Variants in MSI2 observed in about 807,000 individuals in gnomAD.
MSI2 encodes musashi RNA binding protein 2.
A neutral mutation model predicts 45.6 loss-of-function variants in MSI2; 17 were observed. The ratio of observed to expected loss-of-function variants is 0.37; its 90% CI spans 0.26 to 0.56. The LOEUF (loss-of-function observed/expected upper bound fraction) is 0.56. Ranked by LOEUF, MSI2 falls within the 20% of genes least tolerant of loss-of-function variation. The pLI is 0.77. For missense variants in MSI2, 293 were observed against 444.2 expected (o/e 0.66, Z 3.06); for synonymous variants, 156 against 158.2 (o/e 0.99, Z 0.11).
At chr17:57,511,769 T>C (rs1260137156) in intron 6 of MSI2, among the ~76,000 whole-genome samples, 1 of 152,170 alleles carries the variant, frequency 6.6e-6, no homozygotes, top group Non-Finnish European at 1.5e-5. Context: ...GAAGGTGGTC[T>C]CTCTGACATC....
intron 5 of MSI2, chr17:57,285,865 T>C (rs918224955): frequency 2.3e-5 from 35 of 1,516,080 alleles, no homozygotes; most frequent in African/African-American, 1.5e-4. Flanking sequence ...TAGTTCTGAT[T>C]TTCCGAACAG....
intron 7 of MSI2, among the ~76,000 whole-genome samples, chr17:57,590,683 G>A (rs760233038): frequency 2.8e-4 from 43 of 152,094 alleles, no homozygotes; most frequent in Non-Finnish European, 5.1e-4. Flanking sequence ...CTTTGTCCCC[G>A]CTTTGCTGAC....
chr17:57,649,772 GA>G (rs1423274500), intron 10 of MSI2, among the ~76,000 whole-genome samples: 1 of 152,232 alleles, frequency 6.6e-6, no homozygotes, highest in African/African-American at 2.4e-5. Flanking sequence ...AGGAGCAGCA[GA>G]AGGGGGCCAG....
At chr17:57,418,924 T>C (rs1036552826) in intron 6 of MSI2, among the ~76,000 whole-genome samples, 1 of 152,140 alleles carries the variant, frequency 6.6e-6, no homozygotes, top group Non-Finnish European at 1.5e-5. Flanking sequence ...AAAACCTTTA[T>C]TGAAAATTCA....
chr17:57,698,779 T>C, the MSI2 span, among the ~76,000 whole-genome samples: 3 of 152,126 alleles, frequency 2.0e-5, no homozygotes, highest in African/African-American at 4.8e-5. Flanking sequence ...ATTCAAAAGA[T>C]ACAAGGAGTA....
intron 12 of MSI2, among the ~76,000 whole-genome samples, chr17:57,676,582 T>C (rs1197903071): frequency 6.6e-6 from 1 of 152,234 alleles, no homozygotes; most frequent in Non-Finnish European, 1.5e-5. Flanking sequence ...TTTTCTGAAA[T>C]AACCAGAAAG....
At chr17:57,335,033 G>A (rs982700284) in intron 5 of MSI2, among the ~76,000 whole-genome samples, 6 of 151,898 alleles carry the variant, frequency 4.0e-5, no homozygotes, top group African/African-American at 1.5e-4. Flanking sequence ...CTACTAGCTG[G>A]CTGTCCTGCC....
At chr17:57,524,449 A>G (rs1439569225) in intron 6 of MSI2, among the ~76,000 whole-genome samples, 1 of 152,264 alleles carries the variant, frequency 6.6e-6, no homozygotes, top group African/African-American at 2.4e-5. Flanking sequence ...TGCATGTTGC[A>G]TAAAAGTAAA....
At chr17:57,548,587 G>A (rs536921855) in intron 7 of MSI2, among the ~76,000 whole-genome samples, 2 of 152,104 alleles carry the variant, frequency 1.3e-5, no homozygotes, top group African/African-American at 4.8e-5. Context: ...GAAACAGGGA[G>A]TAGGGACAGC....
chr17:57,666,002 G>A (rs145575757), intron 11 of MSI2, among the ~76,000 whole-genome samples: 167 of 152,222 alleles, frequency 1.1e-3, no homozygotes, highest in Non-Finnish European at 2.0e-3. Flanking sequence ...AACCCCCACC[G>A]TGATGGAAGA....
chr17:57,393,655 A>G (rs534021317), intron 5 of MSI2, among the ~76,000 whole-genome samples: 80 of 152,250 alleles, frequency 5.3e-4, no homozygotes, highest in African/African-American at 1.9e-3. Context: ...GCTGGATCAT[A>G]TGGTAACACT....
chr17:57,381,120 G>A (rs1432311717), intron 5 of MSI2, among the ~76,000 whole-genome samples: 1 of 151,558 alleles, frequency 6.6e-6, no homozygotes, highest in Admixed American at 6.6e-5. Flanking sequence ...CAGGCTGGAG[G>A]GCAGTGGCAT....
chr17:57,425,684 T>C (rs568739309), intron 6 of MSI2, among the ~76,000 whole-genome samples: 5 of 152,362 alleles, frequency 3.3e-5, no homozygotes, highest in African/African-American at 9.6e-5. Context: ...CATTGTTTGG[T>C]ATTATAGCCA....
rs1909359470 is a variant in MSI2, at chr17:57,280,871, G to A, written c.312+18679G>A. On this transcript the variant is annotated intron_variant, in intron 5 of 13. Transcript: ENST00000284073. This position sits in a 1 kb window ranked among gnomAD's most constrained non-coding sequence, Gnocchi z 4.2. ...TCTTTTTCTTCTAAACCCTACTTCG[G>A]AGACCACTGCTTTTGGCCATGGGGA... Among the ~76,000 whole-genome samples, 1 of 152,018 alleles carries A rather than the reference G, an allele frequency of 6.6e-6. No homozygotes were observed. Among genetic ancestry groups the A allele is most frequent in the Non-Finnish European group, 1.5e-5 (1 of 68,008 alleles).
chr17:57,392,518 A>G (rs2083813730), intron 5 of MSI2, among the ~76,000 whole-genome samples: 1 of 152,036 alleles, frequency 6.6e-6, no homozygotes, highest in African/African-American at 2.4e-5. Context: ...GGCGAGGGCT[A>G]TTTTTTTCCT....
At chr17:57,685,739 G>A (rs139616014), downstream of MSI2, 2 of 152,322 alleles carry the variant, frequency 1.3e-5, no homozygotes, top group East Asian at 1.9e-4. Flanking sequence ...ACAGTGTCTC[G>A]TTACATTGTT....
chr17:57,523,430 C>T (rs572217265), intron 6 of MSI2: 1 of 152,198 alleles, frequency 6.6e-6, no homozygotes, highest in African/African-American at 2.4e-5. Flanking sequence ...GTGGTCAGTA[C>T]CATCTGGCTA....
At chr17:57,362,042 A>T (rs1203912162) in intron 5 of MSI2, among the ~76,000 whole-genome samples, 1 of 152,206 alleles carries the variant, frequency 6.6e-6, no homozygotes, top group East Asian at 1.9e-4. Context: ...GATTGGGATA[A>T]TTGGCTATTA....
intron 6 of MSI2, among the ~76,000 whole-genome samples, chr17:57,447,740 C>G (rs1435403399): frequency 6.6e-6 from 1 of 152,144 alleles, no homozygotes; most frequent in African/African-American, 2.4e-5. Context: ...CATTGTCACT[C>G]TGGAACCACC....
Sources: allele counts gnomAD v4.1 joint callset (sites outside exome capture counted in the v4.1 genomes callset), GRCh38; gene constraint gnomAD v4.1.1; non-coding constraint Gnocchi (gnomAD v3.1); transcripts MANE v1.5; gene names NCBI Gene and HGNC (gene_info 2026-07-23, HGNC 2026-07-21).